The following VTI1A variants were observed in gnomAD, a reference collection of about 807,000 sequenced individuals.
The protein encoded by VTI1A is vesicle transport through interaction with t-SNAREs 1A, also known as vesicle transport through interaction with t-SNAREs homolog 1A.
VTI1A carries 22 observed loss-of-function variants against 34.9 expected under a neutral mutation model. The ratio of observed to expected loss-of-function variants is 0.63; its 90% CI spans 0.45 to 0.90. The LOEUF is 0.90. Among genes scored for constraint, VTI1A ranks in the 40% least tolerant of loss-of-function variants. The probability of loss-of-function intolerance (pLI) is 0.00; values close to 1 mark genes in which losing one functional copy is unlikely to be tolerated. For missense variants in VTI1A, 268 were observed against 275.6 expected (o/e 0.97, Z 0.20); for synonymous variants, 87 against 97.3 (o/e 0.89, Z 0.62).
intron 7 of VTI1A, among the ~76,000 whole-genome samples, chr10:112,763,851 CAT>C (rs1225544900): frequency 6.6e-6 from 1 of 152,114 alleles, no homozygotes; most frequent in Non-Finnish European, 1.5e-5. Flanking sequence ...ACACGAAGAA[CAT>C]GTGGTAAACT....
chr10:112,769,376 G>A (rs906112806), intron 7 of VTI1A, among the ~76,000 whole-genome samples: 2 of 152,178 alleles, frequency 1.3e-5, no homozygotes, highest in Non-Finnish European at 1.5e-5. Flanking sequence ...GGGCTTTGTC[G>A]TTTAATCTGC....
intron 7 of VTI1A, among the ~76,000 whole-genome samples, chr10:112,811,244 G>C (rs1006194432): frequency 1.8e-4 from 28 of 152,160 alleles, no homozygotes; most frequent in African/African-American, 4.8e-5. Flanking sequence ...GTACTCTCTG[G>C]AACAATACAG....
intron 5 of VTI1A, among the ~76,000 whole-genome samples, chr10:112,594,739 G>A (rs966869802): frequency 4.0e-4 from 60 of 151,530 alleles, no homozygotes; most frequent in African/African-American, 1.4e-3. Context: ...TACTGCCCAA[G>A]GTAATTTATA....
chr10:112,852,641 A>G, the VTI1A span, among the ~76,000 whole-genome samples: 1 of 152,322 alleles, frequency 6.6e-6, no homozygotes, highest in South Asian at 2.1e-4. Context: ...ATGGATGTCT[A>G]TGGTGCATAT....
chr10:112,724,097 C>A (rs530605877), intron 7 of VTI1A, among the ~76,000 whole-genome samples: 1 of 152,250 alleles, frequency 6.6e-6, no homozygotes, highest in South Asian at 2.1e-4. Context: ...ACACAGTCCC[C>A]ATGTTAATAG....
At chr10:112,531,061 CCTCACA>C (rs1214066145) in intron 4 of VTI1A, among the ~76,000 whole-genome samples, 1,371 of 90,286 alleles carry the variant, frequency 0.015, 15 homozygotes, top group South Asian at 0.024. Context: ...ACGTGACACA[CCTCACA>C]CACACACACA....
intron 7 of VTI1A, chr10:112,736,689 A>T: frequency 6.4e-7 from 1 of 1,551,678 alleles, no homozygotes; most frequent in South Asian, 1.2e-5. Flanking sequence ...ATGGTGAGAA[A>T]TGCTACATAA....
chr10:112,511,119 C>A (rs1283443082), intron 3 of VTI1A, among the ~76,000 whole-genome samples: 1 of 152,124 alleles, frequency 6.6e-6, no homozygotes, highest in African/African-American at 2.4e-5. Flanking sequence ...CTCAAACTTG[C>A]TGAAAAGTAC....
At chr10:112,787,476 T>C (rs139803002) in intron 7 of VTI1A, among the ~76,000 whole-genome samples, 117 of 152,258 alleles carry the variant, frequency 7.7e-4, no homozygotes, top group African/African-American at 2.6e-3. Context: ...GCTTAGATCA[T>C]TGACTTGAGA....
intron 7 of VTI1A, among the ~76,000 whole-genome samples, chr10:112,684,334 G>A (rs1848324501): frequency 6.6e-6 from 1 of 151,766 alleles, no homozygotes; most frequent in Admixed American, 6.6e-5. Context: ...TAAACATACA[G>A]GTTTTTTCTA....
intron 3 of VTI1A, among the ~76,000 whole-genome samples, chr10:112,474,570 C>T (rs1848216441): frequency 2.0e-5 from 3 of 151,590 alleles, no homozygotes; most frequent in African/African-American, 4.9e-5. Context: ...ATCTTCTCAC[C>T]TTATCCTCCA....
At chr10:112,497,511 T>A (rs1849071088) in intron 3 of VTI1A, among the ~76,000 whole-genome samples, 1 of 152,132 alleles carries the variant, frequency 6.6e-6, no homozygotes, top group Non-Finnish European at 1.5e-5. Flanking sequence ...TAAATTAACA[T>A]ACACACACAC....
chr10:112,649,438 T>C (rs1846926402), intron 5 of VTI1A, among the ~76,000 whole-genome samples: 1 of 152,228 alleles, frequency 6.6e-6, no homozygotes, highest in Non-Finnish European at 1.5e-5. Context: ...ATCAATCTAG[T>C]GCCTACTATG....
intron 7 of VTI1A, among the ~76,000 whole-genome samples, chr10:112,783,087 T>C (rs1296781298): frequency 2.0e-5 from 3 of 152,016 alleles, no homozygotes; most frequent in Non-Finnish European, 2.9e-5. Context: ...CTCTCTCAAG[T>C]TGATTCTGAA....
chr10:112,588,516 A>G (rs1285106782), intron 5 of VTI1A, among the ~76,000 whole-genome samples: 1 of 152,162 alleles, frequency 6.6e-6, no homozygotes, highest in African/African-American at 2.4e-5. Flanking sequence ...AGGTTTCTCT[A>G]TTCAGTTCAG....
At chr10:112,766,996 C>A (rs1851670611) in intron 7 of VTI1A, among the ~76,000 whole-genome samples, 1 of 152,186 alleles carries the variant, frequency 6.6e-6, no homozygotes, top group Non-Finnish European at 1.5e-5. Flanking sequence ...TTAAATCTTG[C>A]TCCATATATA....
chr10:112,739,558 A>G (rs1161286142), intron 7 of VTI1A, among the ~76,000 whole-genome samples: 2 of 152,228 alleles, frequency 1.3e-5, no homozygotes, highest in South Asian at 2.1e-4. Context: ...TTCATTTACC[A>G]TCAAAATAAC....
chr10:112,533,248 C>T (rs1850508153), intron 4 of VTI1A, among the ~76,000 whole-genome samples: 1 of 151,926 alleles, frequency 6.6e-6, no homozygotes, highest in Non-Finnish European at 1.5e-5. Context: ...GAAGTCGTTC[C>T]CCTTTATTTC....
chr10:112,845,730 G>A, the VTI1A span, among the ~76,000 whole-genome samples: 1 of 152,182 alleles, frequency 6.6e-6, no homozygotes, highest in South Asian at 2.1e-4. Context: ...AAAGACAAAA[G>A]TGGGGGGCCG....
Sources: allele counts gnomAD v4.1 joint callset (sites outside exome capture counted in the v4.1 genomes callset), GRCh38; gene constraint gnomAD v4.1.1; transcripts MANE v1.5; gene names NCBI Gene and HGNC (gene_info 2026-07-23, HGNC 2026-07-21).